EFNA5: variants seen among roughly 807,000 people sequenced by gnomAD.
EFNA5 encodes ephrin-A5.
EFNA5 carries 5 observed loss-of-function variants against 22.9 expected under a neutral mutation model. The ratio of observed to expected loss-of-function variants is 0.22; its 90% CI spans 0.11 to 0.46. The LOEUF (loss-of-function observed/expected upper bound fraction) is 0.46. EFNA5 is among the 20% of genes least tolerant of loss of function. EFNA5 has a pLI of 0.99. For synonymous variants in EFNA5, 113 were observed against 112.2 expected, an observed-to-expected ratio of 1.01 and a Z score of -0.04; for missense variants, 237 against 293.3, an observed-to-expected ratio of 0.81 and a Z score of 1.40.
intron 1 of EFNA5, among the ~76,000 whole-genome samples, chr5:107,618,985 G>A (rs1353097330): frequency 1.3e-5 from 2 of 151,380 alleles, no homozygotes; most frequent in South Asian, 2.1e-4. Flanking sequence ...GCAGTGGTGC[G>A]ATCTCAGCTC....
intron 1 of EFNA5, among the ~76,000 whole-genome samples, chr5:107,633,475 C>T (rs1750302796): frequency 6.6e-6 from 1 of 152,230 alleles, no homozygotes; most frequent in Non-Finnish European, 1.5e-5. Context: ...GCCCTCACTG[C>T]CGGGGCCCCG....
chr5:107,559,724 T>C (rs984756579), intron 1 of EFNA5, among the ~76,000 whole-genome samples: 2 of 152,194 alleles, frequency 1.3e-5, no homozygotes, highest in Non-Finnish European at 2.9e-5. Flanking sequence ...AGTCCTCCTA[T>C]AGCCATCCTG....
Position 107,426,150 on chromosome 5 carries a change from A to G in EFNA5, c.418+1067T>C, listed in dbSNP as rs149298103. Among the ~76,000 whole-genome samples, 13 of 152,360 alleles carry G rather than the reference A, an allele frequency of 8.5e-5. No homozygotes were observed. The East Asian group carries it at 1.5e-3, about 18-fold the overall frequency. On this transcript the variant is annotated intron_variant, in intron 2 of 4. Coordinates refer to ENST00000333274, the MANE Select transcript of EFNA5 (RefSeq NM_001962.3). ...CCCTAAGAACAGGGAATATCTTTTC[A>G]TCTTGCATCCCCCAGCATTTCTCAG...
At chr5:107,488,341 AT>A (rs1330372508) in intron 1 of EFNA5, among the ~76,000 whole-genome samples, 1 of 152,204 alleles carries the variant, frequency 6.6e-6, no homozygotes, top group Non-Finnish European at 1.5e-5. Context: ...TCTGAAGTTT[AT>A]TCAAGTCTAT....
At position 107,408,335 on chromosome 5, in the gene EFNA5, C is replaced by A. The variant is rs899344916; in HGVS notation, c.418+18882G>T. 3.3e-5 allele frequency among the ~76,000 whole-genome samples: 5 copies of A among 152,278 alleles called. No homozygotes were observed. The South Asian group carries it at 1.0e-3, about 32-fold the overall frequency. ...TTACACTCCCTCACAGCTATCTTTT[C>A]AAAATTTTCAACTACTTTTGCTCCT... On this transcript the variant is annotated intron_variant, in intron 2 of 4. Coordinates refer to ENST00000333274, the MANE Select transcript of EFNA5 (RefSeq NM_001962.3).
intron 1 of EFNA5, among the ~76,000 whole-genome samples, chr5:107,500,081 G>A (rs567327727): frequency 2.0e-5 from 3 of 152,194 alleles, no homozygotes; most frequent in Non-Finnish European, 4.4e-5. Flanking sequence ...TGCTTCAGTT[G>A]TAGCTTTTCT....
intron 2 of EFNA5, among the ~76,000 whole-genome samples, chr5:107,419,005 T>C (rs1748582721): frequency 1.3e-5 from 2 of 152,202 alleles, no homozygotes; most frequent in South Asian, 4.1e-4. Flanking sequence ...TACCCTGTGT[T>C]CCTATGAATT....
At chr5:107,549,975 T>C (rs1748252202) in intron 1 of EFNA5, among the ~76,000 whole-genome samples, 1 of 152,260 alleles carries the variant, frequency 6.6e-6, no homozygotes, top group Non-Finnish European at 1.5e-5. Flanking sequence ...ATAAGGTATT[T>C]GTCTACCTTT....
chr5:107,585,699 A>T (rs1316442488), intron 1 of EFNA5, among the ~76,000 whole-genome samples: 1 of 151,710 alleles, frequency 6.6e-6, no homozygotes, highest in Non-Finnish European at 1.5e-5. Flanking sequence ...TGAATTAGTA[A>T]ATCCTTTAAA....
intron 1 of EFNA5, among the ~76,000 whole-genome samples, chr5:107,581,637 C>G (rs946951806): frequency 6.6e-6 from 1 of 152,192 alleles, no homozygotes; most frequent in African/African-American, 2.4e-5. Context: ...CTACTGCAGA[C>G]AATAACAGTT....
At chr5:107,529,090 T>C (rs1205109815) in intron 1 of EFNA5, among the ~76,000 whole-genome samples, 1 of 152,174 alleles carries the variant, frequency 6.6e-6, no homozygotes. Context: ...CTATTTAGGG[T>C]ATACATTTCA....
chr5:107,487,269 G>T (rs923124780), intron 1 of EFNA5, among the ~76,000 whole-genome samples: 2 of 152,070 alleles, frequency 1.3e-5, no homozygotes, highest in African/African-American at 4.8e-5. Flanking sequence ...CTTCTGGCAG[G>T]ATTCACTTCC....
At chr5:107,619,177 G>A (rs750130762) in intron 1 of EFNA5, among the ~76,000 whole-genome samples, 10 of 151,700 alleles carry the variant, frequency 6.6e-5, no homozygotes, top group Non-Finnish European at 1.2e-4. Context: ...CACCCACCTC[G>A]GCCTCCCAAA....
chr5:107,639,251 G>C (rs1750450940), intron 1 of EFNA5, among the ~76,000 whole-genome samples: 1 of 152,206 alleles, frequency 6.6e-6, no homozygotes, highest in Non-Finnish European at 1.5e-5. Flanking sequence ...CAGAGGAGCA[G>C]CAGTGAATTG....
chr5:107,512,387 AC>A (rs1156884271), intron 1 of EFNA5, among the ~76,000 whole-genome samples: 2,390 of 150,270 alleles, frequency 0.016, 56 homozygotes, highest in African/African-American at 0.056. Flanking sequence ...AACAACAACA[AC>A]AAAAAACACA....
At chr5:107,656,300 A>G (rs1335127130) in intron 1 of EFNA5, among the ~76,000 whole-genome samples, 1 of 152,162 alleles carries the variant, frequency 6.6e-6, no homozygotes, top group Non-Finnish European at 1.5e-5. Flanking sequence ...TCCCGGGAAG[A>G]AGGTCCTGGA....
intron 1 of EFNA5, among the ~76,000 whole-genome samples, chr5:107,599,680 T>G (rs1749548791): frequency 6.6e-6 from 1 of 152,222 alleles, no homozygotes; most frequent in Non-Finnish European, 1.5e-5. Flanking sequence ...TAGAAAGATT[T>G]GTTAAATATT....
At chr5:107,528,119 G>C (rs1747735408) in intron 1 of EFNA5, among the ~76,000 whole-genome samples, 1 of 152,162 alleles carries the variant, frequency 6.6e-6, no homozygotes, top group African/African-American at 2.4e-5. Flanking sequence ...TATAGCAGGA[G>C]TTACTCTTCA....
At chr5:107,569,559 T>TTATATATATATATATATATTTA (rs1748743104) in intron 1 of EFNA5, among the ~76,000 whole-genome samples, 1 of 42,530 alleles carries the variant, frequency 2.4e-5, no homozygotes, top group African/African-American at 1.0e-4. Context: ...ATATATATAT[T>TTATATATATATATATATATTTA]TATATATATA....
Sources: gnomAD v4.1 joint callset for allele counts (sites outside exome capture counted in the v4.1 genomes callset) on GRCh38, gnomAD v4.1.1 for gene constraint, MANE v1.5 for transcripts, NCBI Gene and HGNC (gene_info 2026-07-23, HGNC 2026-07-21) for gene names.